The following FLCN variants were observed in gnomAD, a reference collection of about 807,000 sequenced individuals.
FLCN encodes the protein BHD skin lesion fibrofolliculoma protein.
FLCN carries 22 observed loss-of-function variants against 62.5 expected under a neutral mutation model. That is an observed-to-expected ratio of 0.35 (90% confidence interval 0.25 to 0.50). The LOEUF (loss-of-function observed/expected upper bound fraction) is 0.50. FLCN is among the 20% of genes least tolerant of loss of function. The probability of loss-of-function intolerance (pLI) is 0.97; values close to 1 mark genes in which losing one functional copy is unlikely to be tolerated. For missense variants in FLCN, 657 were observed against 778.0 expected (o/e 0.84, Z 1.85); for synonymous variants, 319 against 310.0 (o/e 1.03, Z -0.30).
At chr17:17,228,305 C>G in intron 3 of FLCN, 144 bp from the exon 4 acceptor site, 1 of 978,794 alleles carries the variant, frequency 1.0e-6, no homozygotes, top group Non-Finnish European at 1.5e-6. Flanking sequence ...CAGCCCCCTG[C>G]CAGCACTGCT....
At chr17:17,219,755 G>T (rs1472867188) in intron 8 of FLCN, 1 of 159,814 alleles carries the variant, frequency 6.3e-6, no homozygotes, top group Non-Finnish European at 1.4e-5. Context: ...GGTATTTTTA[G>T]TAGAGACGGG....
intron 5 of FLCN, chr17:17,224,503 C>G: frequency 2.4e-6 from 1 of 412,758 alleles, no homozygotes; most frequent in Non-Finnish European, 4.5e-6. Context: ...CCACTGCACT[C>G]TCCCTGCACT....
Position 17,216,628 on chromosome 17 carries a change from G to C in FLCN, c.1177-125C>G. On this transcript the variant is annotated intron_variant, in intron 10 of 13. Coordinates refer to ENST00000285071, the MANE Select transcript of FLCN (RefSeq NM_144997.7). The surrounding 1 kb of genome is among the most constrained non-coding windows in gnomAD (Gnocchi z 4.0). ...GGTCCAAGCCCTCCCTCCTGCCAGAGGAGTCCCCAGACTCTCAGCCCACAG... is the reference window on the plus strand; with the variant it reads ...GGTCCAAGCCCTCCCTCCTGCCAGACGAGTCCCCAGACTCTCAGCCCACAG... 6.9e-7 allele frequency: 1 copy of C among 1,456,830 alleles called. No homozygotes were observed. The highest frequency in any genetic ancestry group is 9.3e-7 in the Non-Finnish European group (1 of 1,075,656). The allele number at this position is 1,456,830 out of a possible 1,614,324, so 90.2% of individuals were successfully genotyped here.
rs2046804882 is a variant in FLCN, at chr17:17,213,279, C to T, written c.*376G>A. 4.7e-6 allele frequency: 2 copies of T among 429,888 alleles called. No homozygotes were observed. Among genetic ancestry groups the T allele is most frequent in the South Asian group, 2.5e-5 (1 of 39,420 alleles). The allele number at this position is 429,888 out of a possible 1,614,324, so 26.6% of individuals were successfully genotyped here. ...AGTAGAAACGCTTGAATGTTAACCT[C>T]GGGAGCAGACATGTTATTGCGACTG... On this transcript the variant is annotated 3_prime_UTR_variant, in exon 14 of 14. Transcript: ENST00000285071.
At chr17:17,223,050 C>G in intron 6 of FLCN, 1 of 344,778 alleles carries the variant, frequency 2.9e-6, no homozygotes, top group Admixed American at 3.9e-5. Context: ...ACAAGGCCCT[C>G]AGCACCATCT....
chr17:17,213,448 T>G lies in FLCN; in HGVS notation c.*207A>C. 1 of 658,140 alleles carries G rather than the reference T, an allele frequency of 1.5e-6. No homozygotes were observed. The highest frequency in any genetic ancestry group is 1.8e-5 in the South Asian group (1 of 55,774). 40.8% of individuals were successfully genotyped at this position (658,140 alleles called of 1,614,324 possible). On this transcript the variant is annotated 3_prime_UTR_variant, in exon 14 of 14. Coordinates refer to ENST00000285071, the MANE Select transcript of FLCN (RefSeq NM_144997.7). ...CATCCCTCCGCCTTTCATTGCCATC[T>G]TCAGCGATTCCAACGGCTGGAGGGA...
rs2046805328 is a variant in FLCN, at chr17:17,213,297, T to C, written c.*358A>G. The C allele has an allele frequency of 2.2e-6, 1 of 452,872 alleles. No homozygotes were observed. The highest frequency in any genetic ancestry group is 1.9e-5 in the African/African-American group (1 of 51,688). 28.1% of individuals were successfully genotyped at this position (452,872 alleles called of 1,614,324 possible). ...TTAACCTCGGGAGCAGACATGTTAT[T>C]GCGACTGCATACTGAGTCGGACCTG... On this transcript the variant is annotated 3_prime_UTR_variant, in exon 14 of 14. Coordinates refer to ENST00000285071, the MANE Select transcript of FLCN (RefSeq NM_144997.7).
intron 8 of FLCN, chr17:17,219,487 A>G (rs1360607500): frequency 1.1e-5 from 5 of 454,252 alleles, no homozygotes; most frequent in African/African-American, 2.0e-5. Context: ...AGTAAGAAAA[A>G]TGCCAACAGC....
chr17:17,214,263 C>T (rs1194522694), intron 13 of FLCN, among the ~76,000 whole-genome samples: 1 of 151,586 alleles, frequency 6.6e-6, no homozygotes, highest in Non-Finnish European at 1.5e-5. Context: ...TACCAAGAAT[C>T]GAGGCAGGAG....
chr17:17,232,835 C>T lies in FLCN; in HGVS notation c.-161G>A, dbSNP rs2047463162. ...TTCCACCGTCCACACCAGACCACCA[C>T]ACACGAGGCTGCTGCCAAATGGGTC... is the stretch of plus-strand genomic sequence containing the variant. On this transcript the variant is annotated 5_prime_UTR_variant, in exon 2 of 14. In the 5' UTR this introduces an upstream ATG that the reference lacks. Coordinates refer to ENST00000285071, the MANE Select transcript of FLCN (RefSeq NM_144997.7). 3 of 152,648 alleles carry T rather than the reference C, an allele frequency of 2.0e-5. No individual in the cohort carries two copies. The South Asian group carries it at 6.2e-4, about 32-fold the overall frequency. 9.5% of individuals were successfully genotyped at this position (152,648 alleles called of 1,614,324 possible).
intron 3 of FLCN, among the ~76,000 whole-genome samples, chr17:17,229,944 C>A (rs1205099658): frequency 1.3e-5 from 2 of 152,142 alleles, no homozygotes; most frequent in Non-Finnish European, 2.9e-5. Flanking sequence ...CTGAGGGACA[C>A]CAAGCACTCA....
chr17:17,218,991 C>T (rs761005051), intron 9 of FLCN, 28 bp downstream of exon 9: 3 of 1,611,082 alleles, frequency 1.9e-6, no homozygotes, highest in Admixed American at 3.3e-5. Flanking sequence ...CTCCTGAGCT[C>T]CTGATGCGCT....
At chr17:17,228,519 A>C in intron 3 of FLCN, 20 of 282,406 alleles carry the variant, frequency 7.1e-5, no homozygotes, top group Non-Finnish European at 9.8e-5. Context: ...AAATAGATAA[A>C]AGGCCACAGG....
At chr17:17,234,213 G>T (rs12449838) in intron 1 of FLCN, among the ~76,000 whole-genome samples, 78,922 of 123,282 alleles carry the variant, frequency 0.64, 21,728 homozygotes, top group East Asian at 0.7. Flanking sequence ...GTTTTTTTTT[G>T]GTTTGTTTTT....
chr17:17,231,106 G>A (rs1264352921), intron 3 of FLCN, among the ~76,000 whole-genome samples: 2 of 150,318 alleles, frequency 1.3e-5, no homozygotes, highest in East Asian at 2.0e-4. Context: ...AGGCTGAGGC[G>A]GGAGAATTGC....
At chr17:17,224,947 C>T (rs1300774113) in intron 5 of FLCN, 7 of 152,658 alleles carry the variant, frequency 4.6e-5, no homozygotes, top group Admixed American at 2.6e-4. Flanking sequence ...AGCAGACCAG[C>T]GGTAGGAAAT....
At chr17:17,214,402 T>A (rs1475979715) in intron 13 of FLCN, among the ~76,000 whole-genome samples, 5 of 151,792 alleles carry the variant, frequency 3.3e-5, no homozygotes. Context: ...AAGACCAGCC[T>A]GGCCAACATG....
At chr17:17,223,777 A>T in intron 6 of FLCN, 145 bp downstream of exon 6, 1 of 843,284 alleles carries the variant, frequency 1.2e-6, no homozygotes, top group Non-Finnish European at 1.9e-6. Flanking sequence ...TCCAGCTCTG[A>T]AGCCAAGAGA....
intron 1 of FLCN, among the ~76,000 whole-genome samples, chr17:17,235,117 A>G (rs1160464750): frequency 6.8e-6 from 1 of 147,188 alleles, no homozygotes; most frequent in Non-Finnish European, 1.5e-5. Flanking sequence ...TTCAAAAAAA[A>G]AAAAAAAAAA....
Sources: allele counts gnomAD v4.1 joint callset (sites outside exome capture counted in the v4.1 genomes callset), GRCh38; gene constraint gnomAD v4.1.1; non-coding constraint Gnocchi (gnomAD v3.1); transcripts MANE v1.5; gene names NCBI Gene and HGNC (gene_info 2026-07-23, HGNC 2026-07-21).